The following DDAH1 variants were observed in gnomAD, a reference collection of about 807,000 sequenced individuals.
DDAH1 encodes N(G),N(G)-dimethylarginine dimethylaminohydrolase 1.
A neutral mutation model predicts 28.8 loss-of-function variants in DDAH1; 19 were observed. That is an observed-to-expected ratio of 0.66 (90% CI 0.46 to 0.97). The LOEUF (loss-of-function observed/expected upper bound fraction) is 0.97. Among genes scored for constraint, DDAH1 ranks in the 50% least tolerant of loss-of-function variants. The probability of loss-of-function intolerance (pLI) is 0.00; values close to 1 mark genes in which losing one functional copy is unlikely to be tolerated. For synonymous variants in DDAH1, 153 were observed against 154.4 expected (o/e 0.99, Z 0.07); for missense variants, 326 against 375.9 (o/e 0.87, Z 1.10).
At chr1:85,452,772 G>A (rs533444869) in intron 1 of DDAH1, among the ~76,000 whole-genome samples, 2 of 152,240 alleles carry the variant, frequency 1.3e-5, no homozygotes, top group South Asian at 2.1e-4. Context: ...AAATCAAGAC[G>A]ACCTGCATGG....
intron 1 of DDAH1, among the ~76,000 whole-genome samples, chr1:85,514,808 C>T (rs1469392277): frequency 6.6e-6 from 1 of 152,124 alleles, no homozygotes; most frequent in African/African-American, 2.4e-5. Flanking sequence ...TCGCTGAGCA[C>T]TTCCTTGGTA....
intron 1 of DDAH1, among the ~76,000 whole-genome samples, chr1:85,551,588 A>G (rs556718688): frequency 1.4e-4 from 21 of 152,322 alleles, no homozygotes; most frequent in Non-Finnish European, 2.5e-4. Flanking sequence ...GCTAGGGCCT[A>G]TGAGAGACAT....
chr1:85,365,119 T>C (rs1439738622), intron 1 of DDAH1, among the ~76,000 whole-genome samples: 1 of 152,160 alleles, frequency 6.6e-6, no homozygotes, highest in Non-Finnish European at 1.5e-5. Flanking sequence ...AGTACAAGAA[T>C]GATTTGTTTT....
At chr1:85,576,035 C>T (rs1205431796) in intron 1 of DDAH1, 1 of 149,216 alleles carries the variant, frequency 6.7e-6, no homozygotes, top group Non-Finnish European at 1.5e-5. Context: ...ACGTTGTGCA[C>T]ATGTACCCTA....
At chr1:85,343,897 C>T (rs1007720128) in intron 4 of DDAH1, among the ~76,000 whole-genome samples, 6 of 152,182 alleles carry the variant, frequency 3.9e-5, no homozygotes, top group Non-Finnish European at 7.4e-5. Context: ...GAAATACAGT[C>T]TGAGTGATCT....
At chr1:85,520,846 CAATTA>C (rs1246583611) in intron 1 of DDAH1, among the ~76,000 whole-genome samples, 1 of 152,156 alleles carries the variant, frequency 6.6e-6, no homozygotes, top group Non-Finnish European at 1.5e-5. Flanking sequence ...TGTCAATATG[CAATTA>C]AATAGAAGAG....
intron 1 of DDAH1, among the ~76,000 whole-genome samples, chr1:85,420,629 T>C (rs1364523850): frequency 2.0e-5 from 3 of 152,344 alleles, no homozygotes; most frequent in East Asian, 3.9e-4. Flanking sequence ...ATCTGAGACC[T>C]TGGTAGCCTG....
chr1:85,557,499 G>C (rs1442640870), intron 1 of DDAH1, among the ~76,000 whole-genome samples: 2 of 152,218 alleles, frequency 1.3e-5, no homozygotes, highest in Admixed American at 6.5e-5. Context: ...AAGTGAGAGA[G>C]CCAAAATTCA....
chr1:85,402,653 G>A (rs2100580162), intron 1 of DDAH1, among the ~76,000 whole-genome samples: 1 of 152,218 alleles, frequency 6.6e-6, no homozygotes, highest in Admixed American at 6.5e-5. Flanking sequence ...GTTCACGCCT[G>A]TAATCCCAGC....
intron 4 of DDAH1, among the ~76,000 whole-genome samples, chr1:85,328,328 T>C (rs12047220): frequency 0.017 from 2,614 of 152,264 alleles, 68 homozygotes; most frequent in East Asian, 0.12. Flanking sequence ...CTCTGTCAGG[T>C]TGTGACCCCA....
At chr1:85,332,695 A>G (rs1473234912) in intron 4 of DDAH1, among the ~76,000 whole-genome samples, 1 of 152,308 alleles carries the variant, frequency 6.6e-6, no homozygotes, top group African/African-American at 2.4e-5. Context: ...TATGCATGCC[A>G]TCAGGGGGCC....
chr1:85,350,614 C>A, intron 3 of DDAH1, 80 bp from the exon 4 acceptor site: 1 of 1,470,902 alleles, frequency 6.8e-7, no homozygotes, highest in Non-Finnish European at 9.1e-7. Flanking sequence ...CTGAAATACA[C>A]CTACTTCTTG....
chr1:85,349,290 T>C (rs233081), intron 4 of DDAH1, among the ~76,000 whole-genome samples: 138,884 of 152,246 alleles, frequency 0.91, 63,376 homozygotes, highest in South Asian at 0.95. Flanking sequence ...TGGGAAGAGG[T>C]GGAAGAAAGG....
intron 2 of DDAH1, among the ~76,000 whole-genome samples, chr1:85,355,494 A>T (rs977343212): frequency 6.6e-6 from 1 of 152,204 alleles, no homozygotes; most frequent in Non-Finnish European, 1.5e-5. Context: ...ATACATCATG[A>T]TCAAATTTGA....
At chr1:85,567,862 C>T (rs1425537167) in intron 1 of DDAH1, among the ~76,000 whole-genome samples, 1 of 152,148 alleles carries the variant, frequency 6.6e-6, no homozygotes, top group East Asian at 1.9e-4. Flanking sequence ...TTTTGCCTAA[C>T]TGACATGTAT....
chr1:85,549,141 G>A (rs1658713896), intron 1 of DDAH1, among the ~76,000 whole-genome samples: 1 of 152,040 alleles, frequency 6.6e-6, no homozygotes, highest in Non-Finnish European at 1.5e-5. Context: ...TGAAAGCATG[G>A]GTTTTCATAA....
At chr1:85,334,359 C>T (rs966132209) in intron 4 of DDAH1, among the ~76,000 whole-genome samples, 16 of 151,982 alleles carry the variant, frequency 1.1e-4, no homozygotes, top group Admixed American at 5.2e-4. Flanking sequence ...AGTATGAAAA[C>T]GGACTAATAC....
At chr1:85,507,685 A>G (rs1252275523) in intron 1 of DDAH1, among the ~76,000 whole-genome samples, 3 of 152,116 alleles carry the variant, frequency 2.0e-5, no homozygotes. Context: ...AAATGTTTCT[A>G]AAAGTTTTAG....
At chr1:85,450,733 TG>T (rs1292191921) in intron 1 of DDAH1, among the ~76,000 whole-genome samples, 1 of 152,170 alleles carries the variant, frequency 6.6e-6, no homozygotes, top group African/African-American at 2.4e-5. Flanking sequence ...AACTGAGAAG[TG>T]GAACTGAGAC....
Sources: allele counts gnomAD v4.1 joint callset (sites outside exome capture counted in the v4.1 genomes callset), GRCh38; gene constraint gnomAD v4.1.1; transcripts MANE v1.5; gene names NCBI Gene and HGNC (gene_info 2026-07-23, HGNC 2026-07-21).